EPC1: variants seen among roughly 807,000 people sequenced by gnomAD.
EPC1 encodes enhancer of polycomb homolog 1.
Under a neutral mutation model 98.4 loss-of-function variants are expected in EPC1, and 12 were observed. The ratio of observed to expected loss-of-function variants is 0.12; its 90% CI spans 0.08 to 0.20. The LOEUF (loss-of-function observed/expected upper bound fraction) is 0.20. Ranked by LOEUF, EPC1 falls within the 10% of genes least tolerant of loss-of-function variation. The pLI is 1.00. For missense variants in EPC1, 729 were observed against 990.5 expected (o/e 0.74, Z 3.54); for synonymous variants, 357 against 363.9 (o/e 0.98, Z 0.21).
rs866034987 is a variant in EPC1, at chr10:32,294,438, C to A, written c.314-701G>T. On this transcript the variant is annotated intron_variant, in intron 2 of 13. Coordinates refer to ENST00000319778, the MANE Select transcript of EPC1 (RefSeq NM_001272004.3). ...ATGTAATATTTTAAATAATTTTGTG[C>A]GTGAAGTTTTGACTGTGACCCATCA... Among the ~76,000 whole-genome samples, 4 of 152,194 alleles carry A rather than the reference C, an allele frequency of 2.6e-5. No homozygotes were observed. In the Middle Eastern group the frequency reaches 0.01, roughly 388 times the overall value.
At chr10:32,312,893 A>G (rs570829437) in intron 1 of EPC1, among the ~76,000 whole-genome samples, 7 of 152,352 alleles carry the variant, frequency 4.6e-5, no homozygotes, top group African/African-American at 1.4e-4. Flanking sequence ...AAATTAGGAA[A>G]TGAGTTCTGT....
intron 1 of EPC1, among the ~76,000 whole-genome samples, chr10:32,342,988 TATAAAG>T (rs1460198295): frequency 6.6e-6 from 1 of 152,190 alleles, no homozygotes; most frequent in Admixed American, 6.5e-5. Flanking sequence ...GATTTAAGAT[TATAAAG>T]ATAATTAAAT....
chr10:32,353,763 T>C (rs1839192949), intron 1 of EPC1, among the ~76,000 whole-genome samples: 1 of 152,234 alleles, frequency 6.6e-6, no homozygotes, highest in Non-Finnish European at 1.5e-5. Context: ...AGTGATGTAG[T>C]GCAATAATTT....
At chr10:32,351,694 TCCAG>T (rs2133083072), upstream of EPC1, among the ~76,000 whole-genome samples, 1 of 151,744 alleles carries the variant, frequency 6.6e-6, no homozygotes, top group Non-Finnish European at 1.5e-5. Context: ...CTTTCCTGCC[TCCAG>T]GTTTTTATTC....
intron 1 of EPC1, among the ~76,000 whole-genome samples, chr10:32,306,337 A>T (rs1401635219): frequency 6.6e-6 from 1 of 152,250 alleles, no homozygotes; most frequent in Non-Finnish European, 1.5e-5. Flanking sequence ...AATACTTCAT[A>T]AATTTAGAAG....
intron 1 of EPC1, among the ~76,000 whole-genome samples, chr10:32,337,859 A>G (rs1330585003): frequency 1.3e-5 from 2 of 152,210 alleles, no homozygotes; most frequent in African/African-American, 4.8e-5. Context: ...CCAATGGCAC[A>G]TATCTAATTA....
chr10:32,311,866 A>C (rs920318774), intron 1 of EPC1, among the ~76,000 whole-genome samples: 2 of 152,244 alleles, frequency 1.3e-5, no homozygotes, highest in African/African-American at 4.8e-5. Context: ...AAATGCCTCC[A>C]TGATGTGATG....
chr10:32,294,604 T>G (rs1010136561), intron 2 of EPC1, among the ~76,000 whole-genome samples: 2 of 152,198 alleles, frequency 1.3e-5, no homozygotes, highest in Non-Finnish European at 2.9e-5. Context: ...AGTTTGTTTC[T>G]CTACGCGAAC....
chr10:32,367,525 A>G (rs896813730), intron 1 of EPC1, among the ~76,000 whole-genome samples: 38 of 152,240 alleles, frequency 2.5e-4, no homozygotes, highest in Non-Finnish European at 2.2e-4. Flanking sequence ...AAAATTCCAT[A>G]TATTGGCATA....
chr10:32,314,840 G>T (rs1022313806), intron 1 of EPC1, among the ~76,000 whole-genome samples: 4 of 152,212 alleles, frequency 2.6e-5, no homozygotes, highest in African/African-American at 2.4e-5. Flanking sequence ...GTTCACATGG[G>T]TGGGTATCTT....
At chr10:32,359,547 T>C (rs1041735609) in intron 1 of EPC1, among the ~76,000 whole-genome samples, 7 of 152,244 alleles carry the variant, frequency 4.6e-5, no homozygotes, top group African/African-American at 1.7e-4. Flanking sequence ...CCTAGGTTGT[T>C]GCAAGCATTC....
At chr10:32,363,246 A>G (rs9417979) in intron 1 of EPC1, among the ~76,000 whole-genome samples, 80,110 of 151,952 alleles carry the variant, frequency 0.53, 23,360 homozygotes, top group East Asian at 0.69. Flanking sequence ...GCTAATCTTT[A>G]TATTTTTTTG....
At chr10:32,337,357 T>C (rs1157583364) in intron 1 of EPC1, among the ~76,000 whole-genome samples, 1 of 152,208 alleles carries the variant, frequency 6.6e-6, no homozygotes, top group African/African-American at 2.4e-5. Flanking sequence ...TCTTTCCTCT[T>C]GCTTTTCCCT....
chr10:32,309,951 T>C (rs554741509), intron 1 of EPC1, among the ~76,000 whole-genome samples: 1 of 151,980 alleles, frequency 6.6e-6, no homozygotes, highest in East Asian at 1.9e-4. Flanking sequence ...TCCCAGCACT[T>C]TGGGAGGCCA....
At position 32,304,238 on chromosome 10, in the gene EPC1, ATTAAT is replaced by A. The variant is rs1386200770; in HGVS notation, c.313+1529_313+1533del. 5.9e-5 allele frequency among the ~76,000 whole-genome samples: 9 copies of A among 152,284 alleles called. No individual in the cohort carries two copies. In the East Asian group the frequency reaches 1.7e-3, roughly 29 times the overall value. On this transcript the variant is annotated intron_variant, in intron 2 of 13. Transcript: ENST00000319778. Reference sequence around the variant, plus strand: ...TAAGTAAGCCATCTTTAAGACATGTATTAATTTTTTCTCATAATGATAATGTAAAT... The same window carrying A: ...TAAGTAAGCCATCTTTAAGACATGTATTTTTCTCATAATGATAATGTAAAT...
chr10:32,348,463 C>G (rs1838999347), upstream of EPC1, among the ~76,000 whole-genome samples: 1 of 152,164 alleles, frequency 6.6e-6, no homozygotes, highest in South Asian at 2.1e-4. Flanking sequence ...TCCTTAAATA[C>G]TGGGCTTGAT....
At chr10:32,345,269 C>T in intron 1 of EPC1, 1 of 985,382 alleles carries the variant, frequency 1.0e-6, no homozygotes, top group Non-Finnish European at 1.2e-6. Flanking sequence ...ACAATCTGAG[C>T]TACTACATAC....
chr10:32,368,170 T>C (rs2505359), intron 1 of EPC1, among the ~76,000 whole-genome samples: 91,523 of 151,734 alleles, frequency 0.6, 27,832 homozygotes, highest in East Asian at 0.69. Flanking sequence ...GAAGTAGTTC[T>C]CTCTTTATTT....
intron 1 of EPC1, among the ~76,000 whole-genome samples, chr10:32,315,323 T>C (rs1178519405): frequency 6.6e-6 from 1 of 152,206 alleles, no homozygotes; most frequent in African/African-American, 2.4e-5. Context: ...TAAATTATAA[T>C]AAACATTACC....
Sources: allele counts gnomAD v4.1 joint callset (sites outside exome capture counted in the v4.1 genomes callset), GRCh38; gene constraint gnomAD v4.1.1; transcripts MANE v1.5; gene names NCBI Gene and HGNC (gene_info 2026-07-23, HGNC 2026-07-21).